The following AFG2A variants were observed in gnomAD, a reference collection of about 807,000 sequenced individuals.
AFG2A encodes the protein ATPase family gene 2 protein homolog A.
At chr4:123,309,965 G>A in the AFG2A span, among the ~76,000 whole-genome samples, 2 of 152,162 alleles carry the variant, frequency 1.3e-5, no homozygotes, top group East Asian at 3.8e-4. Context: ...CTTTTCTTGG[G>A]AGATATTATA....
the AFG2A span, among the ~76,000 whole-genome samples, chr4:123,014,832 A>G: frequency 0.012 from 1,835 of 152,258 alleles, 41 homozygotes; most frequent in African/African-American, 0.041. Flanking sequence ...TGAGGTTCTC[A>G]ATGTTATTTA....
the AFG2A span, among the ~76,000 whole-genome samples, chr4:123,136,715 T>C: frequency 6.7e-6 from 1 of 150,086 alleles, no homozygotes; most frequent in Non-Finnish European, 1.5e-5. Context: ...GGTGGCACAT[T>C]CCTGTAATCC....
At chr4:123,116,766 T>C in the AFG2A span, among the ~76,000 whole-genome samples, 1 of 152,160 alleles carries the variant, frequency 6.6e-6, no homozygotes, top group African/African-American at 2.4e-5. Flanking sequence ...AACACAGTCT[T>C]CGAAAAATGT....
chr4:123,177,174 A>T, the AFG2A span, among the ~76,000 whole-genome samples: 35 of 151,682 alleles, frequency 2.3e-4, no homozygotes, highest in Admixed American at 1.4e-3. Flanking sequence ...TTTTAACTGT[A>T]GAAAAGAGCT....
chr4:123,162,796 A>G, the AFG2A span, among the ~76,000 whole-genome samples: 3 of 152,288 alleles, frequency 2.0e-5, no homozygotes, highest in Non-Finnish European at 4.4e-5. Context: ...CTTACTCGCT[A>G]TTTTAACTTT....
At chr4:123,132,243 T>C in the AFG2A span, among the ~76,000 whole-genome samples, 5 of 152,046 alleles carry the variant, frequency 3.3e-5, no homozygotes, top group Admixed American at 3.3e-4. Context: ...TTAATACTTA[T>C]TCATCTTGTG....
chr4:123,064,308 G>A, the AFG2A span, among the ~76,000 whole-genome samples: 1 of 152,144 alleles, frequency 6.6e-6, no homozygotes, highest in Non-Finnish European at 1.5e-5. Flanking sequence ...GGAGTGAGAC[G>A]TTGAGGGAGG....
chr4:123,232,524 A>G, the AFG2A span, among the ~76,000 whole-genome samples: 6 of 152,038 alleles, frequency 3.9e-5, no homozygotes, highest in African/African-American at 1.4e-4. Context: ...TTTAACAAGA[A>G]TCATTTTGGT....
chr4:123,109,007 T>C, the AFG2A span, among the ~76,000 whole-genome samples: 1 of 152,156 alleles, frequency 6.6e-6, no homozygotes, highest in Non-Finnish European at 1.5e-5. Context: ...TGATGTCCTT[T>C]TGCTACTGCA....
chr4:123,229,963 A>G, the AFG2A span, among the ~76,000 whole-genome samples: 112 of 151,856 alleles, frequency 7.4e-4, no homozygotes, highest in African/African-American at 2.5e-3. Context: ...TAAAAAAACA[A>G]TTTTTTTTAT....
chr4:123,283,585 T>A, the AFG2A span, among the ~76,000 whole-genome samples: 16 of 152,322 alleles, frequency 1.1e-4, no homozygotes, highest in Non-Finnish European at 1.5e-4. Context: ...ATCATTAAAC[T>A]ACAGTTTGAG....
the AFG2A span, among the ~76,000 whole-genome samples, chr4:123,049,958 C>T: frequency 6.7e-6 from 1 of 149,576 alleles, no homozygotes; most frequent in Non-Finnish European, 1.5e-5. Context: ...AGGCTTTAAA[C>T]TTCCCTCTTA....
the AFG2A span, among the ~76,000 whole-genome samples, chr4:122,943,256 T>C: frequency 2.0e-4 from 30 of 152,300 alleles, no homozygotes; most frequent in South Asian, 2.1e-3. Flanking sequence ...CCCATTATTA[T>C]TGTGTGGGCG....
At chr4:123,275,650 C>T in the AFG2A span, among the ~76,000 whole-genome samples, 1 of 152,052 alleles carries the variant, frequency 6.6e-6, no homozygotes, top group African/African-American at 2.4e-5. Flanking sequence ...CTTCCTCCAA[C>T]CCCCTAGCCT....
chr4:123,315,439 C>T, the AFG2A span: 1 of 151,308 alleles, frequency 6.6e-6, no homozygotes, highest in Admixed American at 6.6e-5. Flanking sequence ...CGTGATCCGC[C>T]CGCCTCGGCC....
chr4:123,019,473 AT>A, the AFG2A span, among the ~76,000 whole-genome samples: 3 of 152,192 alleles, frequency 2.0e-5, no homozygotes, highest in Admixed American at 6.5e-5. Context: ...ACTTTTAGGT[AT>A]TGGCATACAG....
the AFG2A span, among the ~76,000 whole-genome samples, chr4:123,301,009 G>T: frequency 6.6e-6 from 1 of 152,254 alleles, no homozygotes; most frequent in African/African-American, 2.4e-5. Flanking sequence ...AAGGGGGAAA[G>T]CAGGTGTTAT....
At chr4:123,259,784 A>G in the AFG2A span, among the ~76,000 whole-genome samples, 2 of 152,250 alleles carry the variant, frequency 1.3e-5, no homozygotes, top group Non-Finnish European at 2.9e-5. Context: ...AAAAAAAGCA[A>G]TAACTGGGCT....
At chr4:123,056,574 G>T in the AFG2A span, 1 of 516,376 alleles carries the variant, frequency 1.9e-6, no homozygotes, top group Non-Finnish European at 3.1e-6. Flanking sequence ...TTTTTCTTCA[G>T]GTAAATATTA....
Sources: gnomAD v4.1 joint callset for allele counts (sites outside exome capture counted in the v4.1 genomes callset) on GRCh38, gnomAD v4.1.1 for gene constraint, MANE v1.5 for transcripts, NCBI Gene and HGNC (gene_info 2026-07-23, HGNC 2026-07-21) for gene names.